The following FLNB variants were observed in gnomAD, a reference collection of about 807,000 sequenced individuals.
The protein encoded by FLNB is filamin-B.
In FLNB, 111 loss-of-function variants were observed where a neutral mutation model predicts 250.6. The observed-to-expected ratio is 0.44, with a 90% CI of 0.38 to 0.52. FLNB has a LOEUF of 0.52. Among genes scored for constraint, FLNB ranks in the 20% least tolerant of loss-of-function variants. The probability of loss-of-function intolerance (pLI) is 0.00; values close to 1 mark genes in which losing one functional copy is unlikely to be tolerated. For missense variants in FLNB, 2,869 were observed against 3,447.8 expected, an observed-to-expected ratio of 0.83 and a Z score of 4.20; for synonymous variants, 1,302 against 1,372.1, an observed-to-expected ratio of 0.95 and a Z score of 1.13.
intron 19 of FLNB, 36 bp downstream of exon 19, chr3:58,119,025 T>A (rs745655020): frequency 6.9e-7 from 1 of 1,441,622 alleles, no homozygotes; most frequent in South Asian, 1.1e-5. Context: ...GGGTTGTTGA[T>A]GACCCCCCAA....
chr3:58,055,239 C>G (rs1010072633), intron 1 of FLNB, among the ~76,000 whole-genome samples: 8 of 151,700 alleles, frequency 5.3e-5, no homozygotes, highest in Non-Finnish European at 1.0e-4. Flanking sequence ...GTACTCCAGC[C>G]TGGGTGACAG....
In FLNB at chr3:58,123,702, TTAA is replaced by T. The variant is rs773897420; in HGVS notation, c.3724+13_3724+15del. On this transcript the variant is annotated intron_variant, in intron 21 of 45. Coordinates refer to ENST00000295956, the MANE Select transcript of FLNB (RefSeq NM_001457.4). ...AATAGAAGGGAAAGGTGGGTTTCAT[TTAA>T]AAAAAAAAAAAAAAAAAAAAAGACA... The T allele has an allele frequency of 8.1e-4, 1,145 of 1,406,354 alleles. 6 individuals carry two copies. The African/African-American group carries it at 0.021, about 26-fold the overall frequency. 87.1% of individuals were successfully genotyped at this position (1,406,354 alleles called of 1,614,324 possible). A position where few individuals can be genotyped will look rare whatever the true frequency, so the allele number is the denominator to read the frequency against.
intron 24 of FLNB, among the ~76,000 whole-genome samples, chr3:58,129,755 T>C (rs535915569): frequency 3.1e-4 from 47 of 152,302 alleles, no homozygotes; most frequent in African/African-American, 1.1e-3. Flanking sequence ...CTTTGCCAGA[T>C]ACCATGGGGA....
intron 27 of FLNB, 125 bp from the exon 28 acceptor site, chr3:58,135,854 T>G: frequency 1.0e-6 from 1 of 986,474 alleles, no homozygotes; most frequent in Non-Finnish European, 1.5e-6. Context: ...AAAACTAGAT[T>G]GTATTAAGCC....
chr3:58,166,153 G>T (rs1253451289), intron 43 of FLNB: 1 of 152,138 alleles, frequency 6.6e-6, no homozygotes, highest in East Asian at 1.9e-4. Flanking sequence ...CACCTAATAG[G>T]CTTGTTTGGA....
chr3:58,111,665 G>A, intron 16 of FLNB, 126 bp from the exon 17 acceptor site: 1 of 724,928 alleles, frequency 1.4e-6, no homozygotes, highest in Non-Finnish European at 2.5e-6. Context: ...TTTACCTGTG[G>A]TAATAGAAGT....
At chr3:58,109,824 C>G in intron 15 of FLNB, 125 bp downstream of exon 15, 1 of 1,423,296 alleles carries the variant, frequency 7.0e-7, no homozygotes. Context: ...TCTACTGAGC[C>G]TCTGAGTCAT....
intron 42 of FLNB, among the ~76,000 whole-genome samples, chr3:58,160,941 C>G (rs556373719): frequency 2.6e-5 from 4 of 152,262 alleles, no homozygotes; most frequent in African/African-American, 9.6e-5. Flanking sequence ...TGTGATCATG[C>G]CATTGCACTC....
At chr3:58,011,655 A>G (rs1383869740) in intron 1 of FLNB, among the ~76,000 whole-genome samples, 5 of 152,110 alleles carry the variant, frequency 3.3e-5, no homozygotes, top group Non-Finnish European at 7.4e-5. Flanking sequence ...TCATATATTC[A>G]CTGCTTAGGT....
intron 1 of FLNB, among the ~76,000 whole-genome samples, chr3:58,061,742 CT>C (rs1274996868): frequency 1.4e-5 from 2 of 143,892 alleles, no homozygotes; most frequent in Non-Finnish European, 3.0e-5. Flanking sequence ...CTGTCTCCCC[CT>C]GGCCTCCAAA....
intron 18 of FLNB, among the ~76,000 whole-genome samples, chr3:58,114,864 G>A (rs1383418461): frequency 6.6e-6 from 1 of 151,998 alleles, no homozygotes; most frequent in Non-Finnish European, 1.5e-5. Context: ...TTTCTTTGGA[G>A]AATTATCTAC....
intron 41 of FLNB, among the ~76,000 whole-genome samples, chr3:58,157,923 G>T (rs1326054784): frequency 1.3e-5 from 2 of 152,224 alleles, no homozygotes; most frequent in Non-Finnish European, 2.9e-5. Flanking sequence ...CAGGAGAAGT[G>T]TGTTCATCAG....
intron 25 of FLNB, chr3:58,132,038 C>T: frequency 6.8e-7 from 1 of 1,474,014 alleles, no homozygotes; most frequent in Non-Finnish European, 9.2e-7. Context: ...TTTCCCATGG[C>T]TGCTGAATTA....
chr3:58,132,602 G>A (rs1317288977), intron 25 of FLNB: 1 of 641,180 alleles, frequency 1.6e-6, no homozygotes, highest in Non-Finnish European at 2.8e-6. Flanking sequence ...AAAGCTAAAG[G>A]TGTCTCTCGG....
At chr3:58,100,373 A>AAAAAATATATATATATTATAT in intron 8 of FLNB, among the ~76,000 whole-genome samples, 3 of 104,346 alleles carry the variant, frequency 2.9e-5, no homozygotes, top group African/African-American at 1.4e-4. Context: ...GTAAAAAAAA[A>AAAAAATATATATATATTATAT]ATATATATAT....
chr3:58,035,864 G>A (rs933808598), intron 1 of FLNB, among the ~76,000 whole-genome samples: 1 of 152,136 alleles, frequency 6.6e-6, no homozygotes, highest in Non-Finnish European at 1.5e-5. Flanking sequence ...CAACATTCTC[G>A]GCCTGGGGCG....
At position 58,108,497 on chromosome 3, in the gene FLNB, A is replaced by G. The variant is rs778125549; in HGVS notation, c.1981A>G (p.Ile661Val). Reference protein sequence around the residue: ...YGPGLEKSGCIVNNLAEFTVD... With the variant: ...YGPGLEKSGCVVNNLAEFTVD... Reference sequence around the variant, plus strand: ...GCCAGGTTTGGAGAAATCTGGATGCATTGTCAACAACCTGGCCGAGTTCAC... The same window carrying G: ...GCCAGGTTTGGAGAAATCTGGATGCGTTGTCAACAACCTGGCCGAGTTCAC... The change falls in exon 13 of 46, where the codon ATT (isoleucine) becomes GTT (valine). Residue 661 changes from isoleucine (I) to valine (V), a missense_variant. By Grantham distance (29) the Ile-to-Val change is conservative. Transcript: ENST00000295956. 1.9e-6 allele frequency: 3 copies of G among 1,614,192 alleles called. No homozygotes were observed. In the Admixed American group the frequency reaches 5.0e-5, roughly 27 times the overall value.
rs113677648 is a variant in FLNB at position 58,076,082 on chromosome 3, G to A, written c.293-964G>A. Among the ~76,000 whole-genome samples the A allele has an allele frequency of 1.2e-4, 19 of 152,252 alleles. 1 individual carries two copies. The highest frequency in any genetic ancestry group is 4.6e-4 in the African/African-American group (19 of 41,536). On this transcript the variant is annotated intron_variant, in intron 1 of 45. Coordinates refer to ENST00000295956, the MANE Select transcript of FLNB (RefSeq NM_001457.4). The stretch of plus-strand genomic sequence containing the variant: ...GCACTTATCCTCCTCACAACAGGAC[G>A]CATTTGTGTCATGGCTTACTCTTAA...
At chr3:58,042,902 T>C (rs2097148128) in intron 1 of FLNB, among the ~76,000 whole-genome samples, 1 of 152,164 alleles carries the variant, frequency 6.6e-6, no homozygotes, top group African/African-American at 2.4e-5. Flanking sequence ...AATGTTTGTT[T>C]GTGATGGTTA....
Sources: gnomAD v4.1 joint callset for allele counts (sites outside exome capture counted in the v4.1 genomes callset) on GRCh38, gnomAD v4.1.1 for gene constraint, MANE v1.5 for transcripts, NCBI Gene and HGNC (gene_info 2026-07-23, HGNC 2026-07-21) for gene names.